The following MTA1 variants were observed in gnomAD, a reference collection of about 807,000 sequenced individuals.
MTA1 encodes the protein metastasis-associated protein MTA1.
In MTA1, 15 loss-of-function variants were observed where a neutral mutation model predicts 97.0. That is an observed-to-expected ratio of 0.15 (90% CI 0.10 to 0.24). The LOEUF is 0.24. Among genes scored for constraint, MTA1 ranks in the 10% least tolerant of loss-of-function variants. The pLI is 1.00. For missense variants in MTA1, 709 were observed against 1,015.1 expected (o/e 0.70, Z 4.10); for synonymous variants, 435 against 417.5 (o/e 1.04, Z -0.51).
intron 3 of MTA1, 60 bp from the exon 4 acceptor site, chr14:105,449,299 G>T: frequency 6.4e-7 from 1 of 1,557,802 alleles, no homozygotes. Flanking sequence ...GCCCTGGGCA[G>T]GGAGCAGGCC....
chr14:105,459,903 G>A (rs1360936348), intron 8 of MTA1, among the ~76,000 whole-genome samples: 4 of 16,444 alleles, frequency 2.4e-4, no homozygotes, highest in Non-Finnish European at 9.3e-4. Context: ...GGGGGAGTCC[G>A]TGCTGCCCGT....
In MTA1 at chr14:105,469,547, C is replaced by T. The variant is rs782543890; in HGVS notation, c.1845+49C>T. ...GGTACGGTGCGCTCACCCATGAGCTCTCTGGGGTGTTGGGAAGAGGCCTGG... is the reference window on the plus strand; with the variant it reads ...GGTACGGTGCGCTCACCCATGAGCTTTCTGGGGTGTTGGGAAGAGGCCTGG... On this transcript the variant is annotated intron_variant, in intron 19 of 20. Coordinates refer to ENST00000331320, the MANE Select transcript of MTA1 (RefSeq NM_004689.4). The T allele has an allele frequency of 5.0e-6, 8 of 1,601,200 alleles. No homozygotes were observed. The South Asian group carries it at 8.8e-5, about 18-fold the overall frequency.
At chr14:105,449,524 G>A (rs1252625788) in intron 4 of MTA1, 115 bp downstream of exon 4, 8 of 1,101,360 alleles carry the variant, frequency 7.3e-6, no homozygotes, top group Admixed American at 4.9e-5. Flanking sequence ...TGTGCCCTGC[G>A]CCCGGCCGGC....
In MTA1 at chr14:105,463,977, G is replaced by A; in HGVS notation, c.1077-55G>A. On this transcript the variant is annotated intron_variant, in intron 12 of 20. Transcript: ENST00000331320. This position sits in a 1 kb window ranked among gnomAD's most constrained non-coding sequence, Gnocchi z 5.9. ...GCCGCGGTGCCTGCTGGGCACATGG[G>A]CCCTCGAGGTTTGTGCTCCTGCAAC... 3 of 1,564,380 alleles carry A rather than the reference G, an allele frequency of 1.9e-6. No homozygotes were observed. The highest frequency in any genetic ancestry group is 2.6e-6 in the Non-Finnish European group (3 of 1,136,940).
In MTA1 at chr14:105,465,083, G is replaced by T; in HGVS notation, c.1535-11G>T. On this transcript the variant is annotated splice_polypyrimidine_tract_variant and intron_variant, in intron 15 of 20. Transcript: ENST00000331320. ...GGTGCCCCACCCCTCACACCGTGTGGTACCCCGCAGGCACGGCGCGGCTGC... is the reference window on the plus strand; with the variant it reads ...GGTGCCCCACCCCTCACACCGTGTGTTACCCCGCAGGCACGGCGCGGCTGC... 1 of 1,506,148 alleles carries T rather than the reference G, an allele frequency of 6.6e-7. No homozygotes were observed. Among genetic ancestry groups the T allele is most frequent in the Non-Finnish European group, 8.9e-7 (1 of 1,121,746 alleles). 93.3% of individuals were successfully genotyped at this position (1,506,148 alleles called of 1,614,324 possible).
intron 1 of MTA1, among the ~76,000 whole-genome samples, chr14:105,436,153 C>T (rs897188654): frequency 1.3e-5 from 2 of 152,168 alleles, no homozygotes; most frequent in Non-Finnish European, 2.9e-5. Context: ...CCTGTAATCC[C>T]AGCTACTCGG....
In MTA1 at chr14:105,470,183, G is replaced by GT; in HGVS notation, c.2117dup (p.Asn707GlnfsTer121). 1 of 1,607,286 alleles carries GT rather than the reference G, an allele frequency of 6.2e-7. No homozygotes were observed. Among genetic ancestry groups the GT allele is most frequent in the Non-Finnish European group, 8.5e-7 (1 of 1,177,662 alleles). On this transcript the variant is annotated frameshift_variant, in exon 21 of 21. Coordinates refer to ENST00000331320, the MANE Select transcript of MTA1 (RefSeq NM_004689.4). LOFTEE classifies it high-confidence loss of function. ...GCCGCGGCCACCGCCACCTGCGCCC[G>GT]TCAACGACGAGCCCATCGTCATCGA...
intron 8 of MTA1, among the ~76,000 whole-genome samples, chr14:105,458,843 C>T (rs966328718): frequency 3.9e-5 from 6 of 152,220 alleles, no homozygotes; most frequent in African/African-American, 9.6e-5. Flanking sequence ...GCCAATCTAT[C>T]GGGATGCCCT....
chr14:105,464,017 C>T lies in MTA1; in HGVS notation c.1077-15C>T, dbSNP rs782386284. ...GCTCCTGCAACTCCTCTCGTCTCTC[C>T]TTTCCCTCTTTAAGTAACAAGCCAA... is the stretch of plus-strand genomic sequence containing the variant. On this transcript the variant is annotated splice_polypyrimidine_tract_variant and intron_variant, in intron 12 of 20. Coordinates refer to ENST00000331320, the MANE Select transcript of MTA1 (RefSeq NM_004689.4). 19 of 1,611,980 alleles carry T rather than the reference C, an allele frequency of 1.2e-5. No homozygotes were observed. The highest frequency in any genetic ancestry group is 1.6e-5 in the Non-Finnish European group (19 of 1,179,514).
intron 1 of MTA1, among the ~76,000 whole-genome samples, chr14:105,431,697 C>T (rs1040547283): frequency 6.6e-6 from 1 of 152,202 alleles, no homozygotes; most frequent in Admixed American, 6.5e-5. Context: ...GCAGTCTCGG[C>T]TCACTACAAC....
rs1262300292 is a variant in MTA1, at chr14:105,420,178, C to T, written c.28+115C>T. On this transcript the variant is annotated intron_variant, in intron 1 of 20. Transcript: ENST00000331320. The surrounding 1 kb of genome is among the most constrained non-coding windows in gnomAD (Gnocchi z 5.3). Reference sequence around the variant, plus strand: ...AGGCCCCGCGCCCCCCGCCCGCCCTCGCGGCCCCCGGCTCCTTCCCGAACC... The same window carrying T: ...AGGCCCCGCGCCCCCCGCCCGCCCTTGCGGCCCCCGGCTCCTTCCCGAACC... 2.0e-6 allele frequency: 1 copy of T among 495,882 alleles called. No individual in the cohort carries two copies. 30.7% of individuals were successfully genotyped at this position (495,882 alleles called of 1,614,324 possible).
intron 7 of MTA1, among the ~76,000 whole-genome samples, chr14:105,457,830 C>G (rs1555430204): frequency 6.6e-6 from 1 of 152,056 alleles, no homozygotes; most frequent in African/African-American, 2.4e-5. Flanking sequence ...GAGGCTGAGG[C>G]AGGAGAATCG....
At chr14:105,454,508 G>C in intron 7 of MTA1, 198 bp downstream of exon 7, 1 of 512,666 alleles carries the variant, frequency 2.0e-6, no homozygotes, top group Non-Finnish European at 3.6e-6. Flanking sequence ...ACCCACTCCT[G>C]GTGGTGTTGG....
intron 18 of MTA1, 131 bp downstream of exon 18, chr14:105,466,873 C>A: frequency 1.5e-5 from 13 of 888,290 alleles, no homozygotes; most frequent in Middle Eastern, 3.5e-4. Context: ...CAGGCCACAG[C>A]CCAGTTCCCC....
chr14:105,430,325 G>A (rs1467306164), intron 1 of MTA1, among the ~76,000 whole-genome samples: 2 of 152,150 alleles, frequency 1.3e-5, no homozygotes, highest in Non-Finnish European at 2.9e-5. Flanking sequence ...GAGGCCCCAG[G>A]AGAGGGAGAG....
intron 8 of MTA1, 141 bp downstream of exon 8, chr14:105,458,513 C>G (rs2083239194): frequency 1.4e-6 from 1 of 733,894 alleles, no homozygotes; most frequent in African/African-American, 1.7e-5. Flanking sequence ...CCCTGAGACC[C>G]CCGGTAGCAG....
chr14:105,423,798 T>A (rs1447484353), intron 1 of MTA1, among the ~76,000 whole-genome samples: 1 of 152,246 alleles, frequency 6.6e-6, no homozygotes, highest in Non-Finnish European at 1.5e-5. Context: ...TAAACTTTAT[T>A]GCTCTATATA....
chr14:105,462,201 C>T (rs1056318787), intron 10 of MTA1, among the ~76,000 whole-genome samples: 2 of 32,610 alleles, frequency 6.1e-5, no homozygotes, highest in African/African-American at 2.2e-4. Flanking sequence ...GCAGGCCCCG[C>T]TCTCCTTCCT....
Position 105,463,649 on chromosome 14 carries a change from C to T in MTA1, c.1076+98C>T. 7.8e-7 allele frequency: 1 copy of T among 1,284,418 alleles called. No homozygotes were observed. The highest frequency in any genetic ancestry group is 1.1e-6 in the Non-Finnish European group (1 of 898,446). The allele number at this position is 1,284,418 out of a possible 1,614,324, so 79.6% of individuals were successfully genotyped here. A position where few individuals can be genotyped will look rare whatever the true frequency, so the allele number is the denominator to read the frequency against. On this transcript the variant is annotated intron_variant, in intron 12 of 20. Transcript: ENST00000331320. The surrounding 1 kb of genome is among the most constrained non-coding windows in gnomAD (Gnocchi z 5.9). ...CAGGCGGGTCCCAAGGAAACTCAAGCTCAGAGGCTGGGAAAGTTGGGGCAG... is the reference window on the plus strand; with the variant it reads ...CAGGCGGGTCCCAAGGAAACTCAAGTTCAGAGGCTGGGAAAGTTGGGGCAG...
Sources: gnomAD v4.1 joint callset for allele counts (sites outside exome capture counted in the v4.1 genomes callset) on GRCh38, gnomAD v4.1.1 for gene constraint, Gnocchi (gnomAD v3.1) non-coding constraint, MANE v1.5 for transcripts, NCBI Gene and HGNC (gene_info 2026-07-23, HGNC 2026-07-21) for gene names.